Variants in ADCY8 observed in about 807,000 individuals in gnomAD.
ADCY8 encodes adenylate cyclase 8.
ADCY8 carries 51 observed loss-of-function variants against 119.7 expected under a neutral mutation model. That is an observed-to-expected ratio of 0.43 (90% CI 0.34 to 0.54). The LOEUF (loss-of-function observed/expected upper bound fraction) is 0.54, where lower values mean the gene tolerates loss of function less well. Ranked by LOEUF, ADCY8 falls within the 20% of genes least tolerant of loss-of-function variation. ADCY8 has a pLI of 0.03. For synonymous variants in ADCY8, 665 were observed against 651.0 expected (o/e 1.02, Z -0.33); for missense variants, 1,383 against 1,598.8 (o/e 0.87, Z 2.30).
intron 1 of ADCY8, among the ~76,000 whole-genome samples, chr8:131,023,410 A>C (rs1008437275): frequency 1.3e-5 from 2 of 152,164 alleles, no homozygotes; most frequent in Non-Finnish European, 2.9e-5. Flanking sequence ...GGTAGTTCTG[A>C]AACATTTTTT....
chr8:130,978,669 T>C (rs976094116), intron 2 of ADCY8, among the ~76,000 whole-genome samples: 1 of 152,238 alleles, frequency 6.6e-6, no homozygotes, highest in East Asian at 1.9e-4. Flanking sequence ...TAAGACTAAG[T>C]TGGAAACTGC....
At chr8:130,956,240 C>T (rs1313897272) in intron 2 of ADCY8, among the ~76,000 whole-genome samples, 1 of 152,226 alleles carries the variant, frequency 6.6e-6, no homozygotes, top group Non-Finnish European at 1.5e-5. Flanking sequence ...TTGTTTTCTT[C>T]TCCCAACCCT....
chr8:130,983,608 G>T (rs1054431501), intron 2 of ADCY8, among the ~76,000 whole-genome samples: 1 of 152,156 alleles, frequency 6.6e-6, no homozygotes, highest in Admixed American at 6.5e-5. Flanking sequence ...GGAATGTCAC[G>T]CTGGGGACAG....
intron 2 of ADCY8, among the ~76,000 whole-genome samples, chr8:130,972,841 G>GT (rs34465511): frequency 0.97 from 146,399 of 150,544 alleles, 71,223 homozygotes; most frequent in African/African-American, 0.99. Flanking sequence ...TTCAGCATCA[G>GT]TTTTTTTTTC....
Position 130,970,436 on chromosome 8 carries a change from A to G in ADCY8, c.1111-18438T>C, listed in dbSNP as rs143504949. 7.1e-3 allele frequency among the ~76,000 whole-genome samples: 1,088 copies of G among 152,312 alleles called. 17 individuals are homozygous for G. The highest frequency in any genetic ancestry group is 0.024 in the African/African-American group (1,008 of 41,564). ...TTATCACTGTCTCTCATCACCCCCA[A>G]GATGGGACTGTCTAGTTGCAGGGAA... On this transcript the variant is annotated intron_variant, in intron 2 of 17. Coordinates refer to ENST00000286355, the MANE Select transcript of ADCY8 (RefSeq NM_001115.3).
At chr8:131,027,057 A>C (rs1188285677) in intron 1 of ADCY8, among the ~76,000 whole-genome samples, 1 of 152,138 alleles carries the variant, frequency 6.6e-6, no homozygotes, top group Non-Finnish European at 1.5e-5. Context: ...AAGTGTGTTA[A>C]GTTTGGCATA....
At chr8:130,789,898 G>C (rs1156898160) in intron 15 of ADCY8, among the ~76,000 whole-genome samples, 2 of 152,176 alleles carry the variant, frequency 1.3e-5, no homozygotes, top group Non-Finnish European at 2.9e-5. Context: ...TTGGCAACCT[G>C]TGTTTTAACA....
chr8:130,973,179 T>C (rs1398269771), intron 2 of ADCY8, among the ~76,000 whole-genome samples: 1 of 152,236 alleles, frequency 6.6e-6, no homozygotes, highest in East Asian at 1.9e-4. Flanking sequence ...TTGTATCCTG[T>C]AGAGTTTTGG....
chr8:130,809,761 T>C (rs1472674074), intron 14 of ADCY8, among the ~76,000 whole-genome samples: 1 of 152,242 alleles, frequency 6.6e-6, no homozygotes, highest in Non-Finnish European at 1.5e-5. Flanking sequence ...CATGGCCTTA[T>C]TTGGAACACC....
chr8:130,980,311 C>T (rs1822201581), intron 2 of ADCY8, among the ~76,000 whole-genome samples: 1 of 152,094 alleles, frequency 6.6e-6, no homozygotes, highest in African/African-American at 2.4e-5. Flanking sequence ...TTCGGGGGAA[C>T]ATGCATTTTA....
chr8:130,849,036 A>G (rs1360229633), intron 10 of ADCY8, among the ~76,000 whole-genome samples: 2 of 152,170 alleles, frequency 1.3e-5, no homozygotes, highest in Non-Finnish European at 2.9e-5. Flanking sequence ...TAGGTGCTCA[A>G]TAAATGGCAG....
intron 1 of ADCY8, among the ~76,000 whole-genome samples, chr8:131,013,341 G>A (rs1488608063): frequency 1.3e-5 from 2 of 152,156 alleles, no homozygotes; most frequent in Non-Finnish European, 2.9e-5. Context: ...AGGAGAGCAG[G>A]GAGGGTGATC....
chr8:130,848,921 T>C (rs1817422345), intron 10 of ADCY8, among the ~76,000 whole-genome samples: 1 of 152,176 alleles, frequency 6.6e-6, no homozygotes, highest in Non-Finnish European at 1.5e-5. Context: ...ATGTGTCACG[T>C]GAAATACAAA....
chr8:130,869,443 TAAC>T (rs1818244875), intron 8 of ADCY8, among the ~76,000 whole-genome samples: 1 of 151,216 alleles, frequency 6.6e-6, no homozygotes, highest in Non-Finnish European at 1.5e-5. Flanking sequence ...GAATTCCTTC[TAAC>T]AACCAATTAC....
In ADCY8 at chr8:130,943,362, G is replaced by A. The variant is rs1821014066; in HGVS notation, c.1342C>T (p.Arg448Ter). ...TAAATTCAACTCACATGGGCCAGTC[G>A]ATCAAATCTGGCAAAGAGCTCGTTG... is the stretch of plus-strand genomic sequence containing the variant. ...MLNELFARFD[R>*]LAHEHHCLRI... The change falls in exon 4 of 18, where the codon CGA becomes TGA. Residue 448 changes from arginine (R) to a stop codon, truncating the protein, a stop_gained. Transcript: ENST00000286355. LOFTEE classifies it high-confidence loss of function. 6.2e-7 allele frequency: 1 copy of A among 1,610,586 alleles called. No individual in the cohort carries two copies. Among genetic ancestry groups the A allele is most frequent in the Non-Finnish European group, 8.5e-7 (1 of 1,177,854 alleles).
chr8:130,870,135 T>C (rs1173322490), intron 8 of ADCY8, among the ~76,000 whole-genome samples: 1 of 151,440 alleles, frequency 6.6e-6, no homozygotes, highest in Non-Finnish European at 1.5e-5. Flanking sequence ...TCCCTCAGCC[T>C]CCTGAATAGC....
At chr8:130,794,227 A>T (rs529567258) in intron 15 of ADCY8, among the ~76,000 whole-genome samples, 2 of 152,206 alleles carry the variant, frequency 1.3e-5, no homozygotes, top group East Asian at 1.9e-4. Flanking sequence ...GAAAGAATGC[A>T]TTCTGGATTT....
intron 9 of ADCY8, among the ~76,000 whole-genome samples, chr8:130,857,602 C>T (rs1817787886): frequency 6.6e-6 from 1 of 152,134 alleles, no homozygotes; most frequent in Non-Finnish European, 1.5e-5. Context: ...AAGGCCTGAC[C>T]AAATTTAGGT....
chr8:130,900,719 G>A (rs913971076), intron 7 of ADCY8, among the ~76,000 whole-genome samples: 7 of 152,232 alleles, frequency 4.6e-5, no homozygotes, highest in African/African-American at 1.7e-4. Context: ...TGCTCCTCAA[G>A]GTCTGCTTGT....
Sources: gnomAD v4.1 joint callset for allele counts (sites outside exome capture counted in the v4.1 genomes callset) on GRCh38, gnomAD v4.1.1 for gene constraint, MANE v1.5 for transcripts, NCBI Gene and HGNC (gene_info 2026-07-23, HGNC 2026-07-21) for gene names.